Variants in ADK observed in about 807,000 individuals in gnomAD.
ADK encodes the protein N6,N6-dimethyladenosine kinase.
In ADK, 24 loss-of-function variants were observed where a neutral mutation model predicts 44.7. That is an observed-to-expected ratio of 0.54 (90% CI 0.39 to 0.76). ADK has a LOEUF of 0.76. Ranked by LOEUF, ADK falls within the 30% of genes least tolerant of loss-of-function variation. The probability of loss-of-function intolerance (pLI) is 0.00; values close to 1 mark genes in which losing one functional copy is unlikely to be tolerated. For synonymous variants in ADK, 128 were observed against 142.6 expected (o/e 0.90, Z 0.73); for missense variants, 321 against 425.1 (o/e 0.76, Z 2.15).
At chr10:74,266,909 A>G (rs1160875446) in intron 3 of ADK, among the ~76,000 whole-genome samples, 1 of 152,210 alleles carries the variant, frequency 6.6e-6, no homozygotes, top group Non-Finnish European at 1.5e-5. Flanking sequence ...TCAATGTACA[A>G]TTCCACTGAA....
chr10:74,277,660 A>G (rs891924230), intron 3 of ADK, among the ~76,000 whole-genome samples: 1 of 152,070 alleles, frequency 6.6e-6, no homozygotes, highest in Non-Finnish European at 1.5e-5. Context: ...CGGCCTCCCA[A>G]AGTGCTGGGA....
chr10:74,305,201 C>T (rs906483555), intron 3 of ADK, among the ~76,000 whole-genome samples: 4 of 152,160 alleles, frequency 2.6e-5, no homozygotes, highest in Non-Finnish European at 5.9e-5. Flanking sequence ...TATTTTCAAT[C>T]TGTGGTTGGT....
intron 1 of ADK, among the ~76,000 whole-genome samples, chr10:74,190,715 C>T (rs1842927373): frequency 6.6e-6 from 1 of 152,110 alleles, no homozygotes; most frequent in East Asian, 1.9e-4. Context: ...AATAACTGTA[C>T]TCTGAAAATG....
intron 7 of ADK, among the ~76,000 whole-genome samples, chr10:74,555,118 G>A (rs1347230636): frequency 6.6e-6 from 1 of 152,044 alleles, no homozygotes; most frequent in African/African-American, 2.4e-5. Flanking sequence ...GCAACATAGG[G>A]AGACCCCGTC....
At chr10:74,356,174 G>A (rs970541713) in intron 4 of ADK, among the ~76,000 whole-genome samples, 4 of 149,368 alleles carry the variant, frequency 2.7e-5, no homozygotes, top group African/African-American at 4.9e-5. Context: ...GCCCGCCACC[G>A]CGCCCGGCTA....
intron 3 of ADK, among the ~76,000 whole-genome samples, chr10:74,278,186 T>G (rs985907878): frequency 1.3e-5 from 2 of 151,654 alleles, no homozygotes; most frequent in Admixed American, 1.3e-4. Flanking sequence ...AAACCCCATC[T>G]CTACTAAAAA....
intron 6 of ADK, among the ~76,000 whole-genome samples, chr10:74,470,794 C>A (rs887324184): frequency 1.3e-5 from 2 of 151,886 alleles, no homozygotes; most frequent in South Asian, 2.1e-4. Context: ...TTGGTAGTCC[C>A]ATTTGTCTTA....
intron 9 of ADK, among the ~76,000 whole-genome samples, chr10:74,642,851 T>TTTA (rs1320737336): frequency 1.3e-4 from 19 of 143,910 alleles, no homozygotes; most frequent in African/African-American, 5.1e-4. Context: ...TTTTTTTTTT[T>TTTA]AAGACAGGGT....
intron 8 of ADK, among the ~76,000 whole-genome samples, chr10:74,598,109 G>A (rs1156425898): frequency 2.0e-5 from 3 of 152,044 alleles, no homozygotes; most frequent in Non-Finnish European, 4.4e-5. Context: ...TTATTAACTT[G>A]CCCCAAATCA....
intron 9 of ADK, among the ~76,000 whole-genome samples, chr10:74,614,922 C>A (rs1295025867): frequency 2.6e-5 from 4 of 152,132 alleles, no homozygotes; most frequent in Admixed American, 2.6e-4. Context: ...TATACTCACT[C>A]ATCTATATTT....
chr10:74,570,085 G>A (rs1355820685), intron 7 of ADK, among the ~76,000 whole-genome samples: 27 of 149,978 alleles, frequency 1.8e-4, no homozygotes, highest in Non-Finnish European at 2.2e-4. Context: ...GATAGTTGTA[G>A]ATATGCGGCG....
At chr10:74,335,062 A>C (rs552591685) in intron 4 of ADK, among the ~76,000 whole-genome samples, 49 of 152,182 alleles carry the variant, frequency 3.2e-4, no homozygotes, top group African/African-American at 1.1e-3. Context: ...TGGGTCTGTA[A>C]AACTGCCAGA....
At chr10:74,189,354 G>T (rs1472444634) in intron 1 of ADK, among the ~76,000 whole-genome samples, 1 of 152,120 alleles carries the variant, frequency 6.6e-6, no homozygotes, top group African/African-American at 2.4e-5. Context: ...ATGATAAGTT[G>T]TTTATCATTT....
intron 9 of ADK, among the ~76,000 whole-genome samples, chr10:74,626,223 G>A (rs914921767): frequency 1.3e-5 from 2 of 152,024 alleles, no homozygotes; most frequent in Non-Finnish European, 2.9e-5. Context: ...AGATAGTCAT[G>A]GTTTAAGGGT....
chr10:74,674,003 G>T (rs1465339958), intron 10 of ADK, among the ~76,000 whole-genome samples: 2 of 152,108 alleles, frequency 1.3e-5, no homozygotes, highest in Admixed American at 6.5e-5. Flanking sequence ...TGTTGGCTGA[G>T]CCTGGGGTTT....
intron 3 of ADK, among the ~76,000 whole-genome samples, chr10:74,312,914 C>CAAAAA (rs56052959): frequency 0.024 from 914 of 37,822 alleles, 205 homozygotes; most frequent in African/African-American, 0.074. Context: ...ATTCTGTCTC[C>CAAAAA]AAAAAAAAAA....
intron 4 of ADK, among the ~76,000 whole-genome samples, chr10:74,340,660 G>GAAAA (rs2131873090): frequency 6.6e-6 from 1 of 152,222 alleles, no homozygotes; most frequent in African/African-American, 2.4e-5. Flanking sequence ...AACATAAATA[G>GAAAA]AAATTCAGTA....
chr10:74,394,110 C>T (rs1843428483), intron 4 of ADK, 31 bp from the exon 5 acceptor site: 1 of 1,611,140 alleles, frequency 6.2e-7, no homozygotes, highest in Admixed American at 1.7e-5. Context: ...TTTTTTTGCC[C>T]CATTAAATTA....
At chr10:74,364,484 G>C (rs1307669889) in intron 4 of ADK, among the ~76,000 whole-genome samples, 4 of 152,122 alleles carry the variant, frequency 2.6e-5, no homozygotes, top group Non-Finnish European at 2.9e-5. Flanking sequence ...GTTCTTGTCT[G>C]ACTTATCTCT....
Sources: allele counts gnomAD v4.1 joint callset (sites outside exome capture counted in the v4.1 genomes callset), GRCh38; gene constraint gnomAD v4.1.1; transcripts MANE v1.5; gene names NCBI Gene and HGNC (gene_info 2026-07-23, HGNC 2026-07-21).